Variants in COL25A1 observed in about 807,000 individuals in gnomAD.
COL25A1 encodes collagen alpha-1(XXV) chain.
Under a neutral mutation model 128.4 loss-of-function variants are expected in COL25A1, and 103 were observed. That is an observed-to-expected ratio of 0.80 (90% CI 0.68 to 0.94). The LOEUF (loss-of-function observed/expected upper bound fraction) is 0.94, where lower values mean the gene tolerates loss of function less well. Among genes scored for constraint, COL25A1 ranks in the 40% least tolerant of loss-of-function variants. COL25A1 has a pLI of 0.00. For missense variants in COL25A1, 745 were observed against 840.0 expected, an observed-to-expected ratio of 0.89 and a Z score of 1.40; for synonymous variants, 279 against 277.2, an observed-to-expected ratio of 1.01 and a Z score of -0.06.
At position 108,836,782 on chromosome 4, in the gene COL25A1, T is replaced by C. The variant is rs553129013; in HGVS notation, c.1657-4349A>G. Among the ~76,000 whole-genome samples, 10 of 152,252 alleles carry C rather than the reference T, an allele frequency of 6.6e-5. No individual in the cohort carries two copies. In the East Asian group the frequency reaches 1.9e-3, roughly 29 times the overall value. On this transcript the variant is annotated intron_variant, in intron 31 of 37. Transcript: ENST00000399132. ...TGGTCCATTGATCTAACTGGTGTGA[T>C]TAAACCTATATTCTAGGCTGGGCTG...
chr4:109,078,736 G>A (rs924828449), intron 3 of COL25A1, among the ~76,000 whole-genome samples: 4 of 152,204 alleles, frequency 2.6e-5, no homozygotes, highest in Non-Finnish European at 4.4e-5. Context: ...CAGAAATCTA[G>A]CATGGACTGT....
chr4:109,185,419 C>G (rs1305361397), intron 3 of COL25A1, among the ~76,000 whole-genome samples: 2 of 152,186 alleles, frequency 1.3e-5, no homozygotes, highest in Non-Finnish European at 2.9e-5. Context: ...TAAATAACTT[C>G]TCTATGGATA....
rs371833708 is a variant in COL25A1, at chr4:108,991,922, C to G, written c.439-17363G>C. On this transcript the variant is annotated intron_variant, in intron 6 of 37. Transcript: ENST00000399132. ...GAATAATTCCTTTTTAAGGCACACA[C>G]AGCTTGAGTTTTGTAAATTTTAGTA... Among the ~76,000 whole-genome samples, 48 of 152,224 alleles carry G rather than the reference C, an allele frequency of 3.2e-4. No individual in the cohort carries two copies. In the South Asian group the frequency reaches 9.9e-3, roughly 32 times the overall value.
intron 6 of COL25A1, among the ~76,000 whole-genome samples, chr4:108,992,061 A>C (rs1302109350): frequency 6.6e-6 from 1 of 152,184 alleles, no homozygotes; most frequent in Non-Finnish European, 1.5e-5. Flanking sequence ...GCATCTGAAA[A>C]AGTACAAATG....
chr4:109,292,501 T>C (rs1401228765), intron 3 of COL25A1, among the ~76,000 whole-genome samples: 3 of 152,036 alleles, frequency 2.0e-5, no homozygotes, highest in Admixed American at 6.6e-5. Flanking sequence ...GAGAACTTTC[T>C]ATAGAGAGCT....
At chr4:109,133,108 G>A (rs1769386007) in intron 3 of COL25A1, among the ~76,000 whole-genome samples, 1 of 151,844 alleles carries the variant, frequency 6.6e-6, no homozygotes, top group Admixed American at 6.6e-5. Flanking sequence ...CTGCAGTTAT[G>A]GATCTGTTAC....
chr4:109,301,918 A>C lies in COL25A1; in HGVS notation c.102T>G (p.Cys34Trp). 1 of 1,614,122 alleles carries C rather than the reference A, an allele frequency of 6.2e-7. No homozygotes were observed. The highest frequency in any genetic ancestry group is 8.5e-7 in the Non-Finnish European group (1 of 1,180,028). The change falls in exon 2 of 38, where the codon TGT becomes TGG. Residue 34 changes from cysteine (C) to tryptophan (W), a missense_variant. Transcript: ENST00000399132. ...EQHCARTMPP[C>W]AVLAALLSVV... is the part of the protein sequence containing the mutation. ...CTGACAGGAGGGCCGCCAGGACGGC[A>C]CACGGGGGCATGGTCCGGGCACAAT...
At chr4:109,110,320 C>T (rs3113723) in intron 3 of COL25A1, among the ~76,000 whole-genome samples, 32,164 of 151,960 alleles carry the variant, frequency 0.21, 4,049 homozygotes, top group East Asian at 0.38. Context: ...TGCTTACGTT[C>T]TTAGCATCTC....
chr4:109,087,085 C>A, intron 3 of COL25A1, among the ~76,000 whole-genome samples: 1 of 152,100 alleles, frequency 6.6e-6, no homozygotes, highest in East Asian at 1.9e-4. Context: ...TACGGACCTG[C>A]CTATCAACCA....
chr4:109,023,678 G>A (rs543872714), intron 5 of COL25A1, among the ~76,000 whole-genome samples: 1 of 152,302 alleles, frequency 6.6e-6, no homozygotes, highest in South Asian at 2.1e-4. Context: ...TATTAGCAAT[G>A]GCTTTTGGAA....
chr4:108,889,170 T>A (rs1182143399), intron 18 of COL25A1, 51 bp downstream of exon 18: 1 of 1,484,802 alleles, frequency 6.7e-7, no homozygotes, highest in South Asian at 1.1e-5. Flanking sequence ...ATGGTAGATA[T>A]AAAATGGTGA....
intron 3 of COL25A1, among the ~76,000 whole-genome samples, chr4:109,254,533 A>G (rs1780956118): frequency 3.7e-5 from 5 of 135,264 alleles, no homozygotes; most frequent in Admixed American, 7.8e-5. Context: ...ATATACATAT[A>G]TATCTGTTCA....
intron 3 of COL25A1, among the ~76,000 whole-genome samples, chr4:109,209,624 C>T (rs938808828): frequency 3.3e-5 from 5 of 152,104 alleles, no homozygotes; most frequent in Admixed American, 3.3e-4. Flanking sequence ...TTTTCAAAAA[C>T]CTTCAGTAAA....
At chr4:109,210,041 A>G (rs1302233324) in intron 3 of COL25A1, among the ~76,000 whole-genome samples, 1 of 151,278 alleles carries the variant, frequency 6.6e-6, no homozygotes, top group Admixed American at 6.6e-5. Flanking sequence ...ACAGAGTGAG[A>G]CTTCATCTCA....
chr4:109,020,832 C>A (rs924040545), intron 5 of COL25A1, among the ~76,000 whole-genome samples: 2 of 152,044 alleles, frequency 1.3e-5, no homozygotes, highest in African/African-American at 4.8e-5. Context: ...TTATTGGATA[C>A]CTAATATTCC....
chr4:109,220,445 T>A (rs34381818), intron 3 of COL25A1, among the ~76,000 whole-genome samples: 1,758 of 152,166 alleles, frequency 0.012, 19 homozygotes, highest in Non-Finnish European at 0.02. Context: ...ATCCAAAAGG[T>A]TTTACACCAG....
intron 8 of COL25A1, among the ~76,000 whole-genome samples, chr4:108,956,712 T>A (rs893657917): frequency 2.0e-5 from 3 of 152,182 alleles, no homozygotes; most frequent in Admixed American, 2.0e-4. Flanking sequence ...AGCCTCAATA[T>A]ATGTATTAAT....
At chr4:108,949,918 C>G (rs1749205828) in intron 8 of COL25A1, among the ~76,000 whole-genome samples, 1 of 152,132 alleles carries the variant, frequency 6.6e-6, no homozygotes, top group African/African-American at 2.4e-5. Flanking sequence ...CACAATCACA[C>G]AATGACCAAG....
At chr4:108,984,035 G>A (rs1005176077) in intron 6 of COL25A1, among the ~76,000 whole-genome samples, 3 of 152,224 alleles carry the variant, frequency 2.0e-5, no homozygotes, top group African/African-American at 4.8e-5. Flanking sequence ...TTGACAGGGC[G>A]CTGATTGGTG....
Sources: gnomAD v4.1 joint callset for allele counts (sites outside exome capture counted in the v4.1 genomes callset) on GRCh38, gnomAD v4.1.1 for gene constraint, MANE v1.5 for transcripts, NCBI Gene and HGNC (gene_info 2026-07-23, HGNC 2026-07-21) for gene names.